PRDM10: variants seen among roughly 807,000 people sequenced by gnomAD.
PRDM10 encodes the protein PR domain zinc finger protein 10.
PRDM10 carries 65 observed loss-of-function variants against 133.1 expected under a neutral mutation model. That is an observed-to-expected ratio of 0.49 (90% confidence interval 0.40 to 0.60). The LOEUF (loss-of-function observed/expected upper bound fraction) is 0.60, where lower values mean the gene tolerates loss of function less well. Among genes scored for constraint, PRDM10 ranks in the 20% least tolerant of loss-of-function variants. The probability of loss-of-function intolerance (pLI) is 0.00; values close to 1 mark genes in which losing one functional copy is unlikely to be tolerated. For synonymous variants in PRDM10, 582 were observed against 580.4 expected, an observed-to-expected ratio of 1.00 and a Z score of -0.04; for missense variants, 1,137 against 1,507.1, an observed-to-expected ratio of 0.75 and a Z score of 4.07.
chr11:129,973,721 TC>T (rs1374354075), intron 1 of PRDM10, among the ~76,000 whole-genome samples: 1 of 152,210 alleles, frequency 6.6e-6, no homozygotes, highest in Non-Finnish European at 1.5e-5. Context: ...AAGTCCCTTT[TC>T]AGCTCTATAA....
At chr11:129,972,869 G>C (rs1937600943) in intron 1 of PRDM10, among the ~76,000 whole-genome samples, 1 of 152,194 alleles carries the variant, frequency 6.6e-6, no homozygotes, top group Non-Finnish European at 1.5e-5. Context: ...AGCAGCCTCT[G>C]TTTAAGAGCT....
chr11:129,958,933 T>C (rs1007063693), intron 2 of PRDM10, among the ~76,000 whole-genome samples: 13 of 152,226 alleles, frequency 8.5e-5, no homozygotes, highest in Non-Finnish European at 8.8e-5. Context: ...CTTTGGAGGA[T>C]TGAATTCTTG....
chr11:129,914,472 C>T (rs1209286359), intron 17 of PRDM10: 1 of 618,188 alleles, frequency 1.6e-6, no homozygotes, highest in South Asian at 1.8e-5. Flanking sequence ...GCACAGGAGG[C>T]TTGTATATGC....
intron 19 of PRDM10, among the ~76,000 whole-genome samples, chr11:129,907,412 C>T (rs968419731): frequency 7.2e-5 from 11 of 152,070 alleles, no homozygotes; most frequent in African/African-American, 2.7e-4. Context: ...AGCAAACCAA[C>T]TTTTTTGTTT....
intron 1 of PRDM10, among the ~76,000 whole-genome samples, chr11:129,988,555 T>C (rs978017820): frequency 6.6e-6 from 1 of 150,900 alleles, no homozygotes; most frequent in African/African-American, 2.4e-5. Context: ...CTTAAATAAG[T>C]GAACTGCATG....
chr11:129,927,710 C>A (rs147056165), intron 11 of PRDM10, among the ~76,000 whole-genome samples: 1 of 152,070 alleles, frequency 6.6e-6, no homozygotes, highest in Non-Finnish European at 1.5e-5. Context: ...TGTCTGCACT[C>A]AAGAACTAGA....
intron 1 of PRDM10, among the ~76,000 whole-genome samples, chr11:130,000,381 T>C (rs187803597): frequency 1.4e-4 from 21 of 152,214 alleles, no homozygotes; most frequent in African/African-American, 4.6e-4. Flanking sequence ...GCATTATTCT[T>C]AAAACTAGAA....
intron 1 of PRDM10, among the ~76,000 whole-genome samples, chr11:130,001,676 G>A (rs1350782769): frequency 6.6e-6 from 1 of 152,222 alleles, no homozygotes; most frequent in Non-Finnish European, 1.5e-5. Flanking sequence ...CGCGTGGCTG[G>A]AGGGCAGACG....
intron 19 of PRDM10, 124 bp downstream of exon 19, chr11:129,910,352 T>C (rs959209712): frequency 7.5e-7 from 1 of 1,336,590 alleles, no homozygotes; most frequent in Admixed American, 1.9e-5. Flanking sequence ...TGAAGTACAT[T>C]CATAGAGAGT....
chr11:129,934,138 C>G (rs1950955989), intron 9 of PRDM10, among the ~76,000 whole-genome samples: 2 of 152,238 alleles, frequency 1.3e-5, no homozygotes, highest in African/African-American at 4.8e-5. Flanking sequence ...GTTATGAGCA[C>G]TTGGCAAAGC....
Position 129,914,713 on chromosome 11 carries a change from T to C in PRDM10, c.2832A>G (p.Gln944=), listed in dbSNP as rs370949794. The C allele has an allele frequency of 3.7e-6, 6 of 1,614,246 alleles. No homozygotes were observed. In the African/African-American group the frequency reaches 5.3e-5, roughly 14 times the overall value. The change falls in exon 17 of 21, where the codon CAA becomes CAG. Residue 944 remains glutamine (Q), a synonymous_variant. Coordinates refer to ENST00000360871, the MANE Select transcript of PRDM10 (RefSeq NM_199437.2). ...QPQHIQLQVV[Q]VASATSPHQS... is the part of the protein sequence containing the mutation. ...CCAAGGCACGCAGTACCGAGGCCAC[T>C]TGAACCACTTGCAGCTGTATGTGCT... is the stretch of plus-strand genomic sequence containing the variant.
intron 13 of PRDM10, among the ~76,000 whole-genome samples, chr11:129,919,402 C>G (rs924830042): frequency 6.6e-6 from 1 of 152,142 alleles, no homozygotes; most frequent in African/African-American, 2.4e-5. Context: ...ATTCCCACAC[C>G]TTTCAGCAAA....
chr11:129,991,867 C>T (rs1938777280), intron 1 of PRDM10, among the ~76,000 whole-genome samples: 1 of 148,922 alleles, frequency 6.7e-6, no homozygotes, highest in Non-Finnish European at 1.5e-5. Flanking sequence ...CCTGTAATCC[C>T]AGCTACTCGG....
At chr11:129,975,650 C>A (rs549371586) in intron 1 of PRDM10, among the ~76,000 whole-genome samples, 51 of 152,226 alleles carry the variant, frequency 3.4e-4, no homozygotes, top group Non-Finnish European at 5.9e-4. Flanking sequence ...ACATTCAAGG[C>A]AAACCCTGCC....
intron 1 of PRDM10, among the ~76,000 whole-genome samples, chr11:129,997,526 T>C (rs1939129105): frequency 6.6e-6 from 1 of 152,210 alleles, no homozygotes; most frequent in South Asian, 2.1e-4. Context: ...CACGAGCTGG[T>C]CCAAACGGTT....
At chr11:129,914,585 C>A in intron 17 of PRDM10, 119 bp downstream of exon 17, 2 of 1,400,930 alleles carry the variant, frequency 1.4e-6, no homozygotes, top group Non-Finnish European at 2.0e-6. Flanking sequence ...GTAAAATGCC[C>A]AAGGCTCAGA....
intron 19 of PRDM10, among the ~76,000 whole-genome samples, chr11:129,906,989 G>GAAAAAAAA (rs71057987): frequency 7.2e-6 from 1 of 139,650 alleles, no homozygotes; most frequent in African/African-American, 2.6e-5. Flanking sequence ...AAAAGAAAAA[G>GAAAAAAAA]AAAAAAAAAA....
At chr11:129,986,291 C>T (rs1938437287) in intron 1 of PRDM10, among the ~76,000 whole-genome samples, 1 of 152,174 alleles carries the variant, frequency 6.6e-6, no homozygotes, top group Admixed American at 6.5e-5. Context: ...GTGGCAAGTC[C>T]TTATGTCATA....
chr11:129,954,854 G>T (rs1308182358), intron 4 of PRDM10, among the ~76,000 whole-genome samples: 1 of 151,866 alleles, frequency 6.6e-6, no homozygotes, highest in African/African-American at 2.4e-5. Context: ...TAAATTTTTT[G>T]CAGAGATGGG....
Sources: allele counts gnomAD v4.1 joint callset (sites outside exome capture counted in the v4.1 genomes callset), GRCh38; gene constraint gnomAD v4.1.1; transcripts MANE v1.5; gene names NCBI Gene and HGNC (gene_info 2026-07-23, HGNC 2026-07-21).